Variants in RPA3 observed in about 807,000 individuals in gnomAD.
The protein encoded by RPA3 is replication protein A3.
In RPA3, 24 loss-of-function variants were observed where a neutral mutation model predicts 13.7. That is an observed-to-expected ratio of 1.75 (90% confidence interval 1.27 to 2.46). RPA3 has a LOEUF of 2.46. Among genes scored for constraint, RPA3 ranks in the 30% most tolerant of loss-of-function variants. The pLI, the probability that RPA3 is intolerant of heterozygous loss-of-function variation, is 0.00. For missense variants in RPA3, 183 were observed against 151.0 expected (o/e 1.21, Z -1.11); for synonymous variants, 59 against 51.2 (o/e 1.15, Z -0.65).
chr7:7,694,342 A>G (rs1007199227), intron 2 of RPA3, among the ~76,000 whole-genome samples: 11 of 152,188 alleles, frequency 7.2e-5, no homozygotes, highest in Non-Finnish European at 4.4e-5. Context: ...TGGGATATCC[A>G]TCACGTCAAG....
At chr7:7,663,771 T>G (rs1785535410) in intron 4 of RPA3, among the ~76,000 whole-genome samples, 1 of 152,162 alleles carries the variant, frequency 6.6e-6, no homozygotes, top group Non-Finnish European at 1.5e-5. Context: ...CCCGGGGCAA[T>G]AACGAATGCA....
chr7:7,705,905 G>C (rs753712289), intron 2 of RPA3, among the ~76,000 whole-genome samples: 8 of 152,164 alleles, frequency 5.3e-5, no homozygotes, highest in Admixed American at 2.0e-4. Flanking sequence ...GAGTTATATG[G>C]GAATTCTCTG....
At chr7:7,661,310 C>T (rs1428549905) in intron 4 of RPA3, among the ~76,000 whole-genome samples, 4 of 152,182 alleles carry the variant, frequency 2.6e-5, no homozygotes, top group Non-Finnish European at 4.4e-5. Flanking sequence ...TCTGAAGCCT[C>T]CTTCTTTCAA....
rs190015201 is a variant in RPA3 at position 7,660,618 on chromosome 7, T to G, written c.-757-19443A>C. On this transcript the variant is annotated intron_variant, in intron 4 of 7. Transcript: ENST00000223129. ...TGAAACTTCTTTTCTTTAAGAATGT[T>G]GACTATTGGCCCCACTCTCTTCTGG... Among the ~76,000 whole-genome samples the G allele has an allele frequency of 2.6e-5, 4 of 152,352 alleles. No individual in the cohort carries two copies. In the East Asian group the frequency reaches 7.7e-4, roughly 29 times the overall value.
intron 5 of RPA3, among the ~76,000 whole-genome samples, chr7:7,639,461 A>C (rs998809560): frequency 2.0e-5 from 3 of 152,178 alleles, no homozygotes; most frequent in Non-Finnish European, 2.9e-5. Context: ...ATCTGCTGGC[A>C]CTCATGATTT....
chr7:7,639,247 G>T, intron 5 of RPA3, 103 bp from the exon 6 acceptor site: 1 of 753,966 alleles, frequency 1.3e-6, no homozygotes, highest in Non-Finnish European at 2.2e-6. Context: ...ACTGTTTCTT[G>T]AACAGTTTAT....
intron 4 of RPA3, among the ~76,000 whole-genome samples, chr7:7,672,209 A>T (rs1375165372): frequency 1.3e-5 from 2 of 151,974 alleles, no homozygotes; most frequent in Admixed American, 6.6e-5. Context: ...TTTCTCTTTT[A>T]TTTTTTTGGC....
rs752355465 is a variant in RPA3 at position 7,637,059 on chromosome 7, C to T, written c.307G>A (p.Val103Met). ...PFDLGLYNEA[V>M]KIIHDFPQFY... Reference sequence around the variant, plus strand: ...TGAGGGAAGTCATGGATAATTTTCACAGCTTCATTGTAAAGTCCAAGATCT... The same window carrying T: ...TGAGGGAAGTCATGGATAATTTTCATAGCTTCATTGTAAAGTCCAAGATCT... Residue 103 changes from valine to methionine, a missense_variant, in exon 8 of 8, where the codon GTG (valine) becomes ATG (methionine). Coordinates refer to ENST00000223129, the MANE Select transcript of RPA3 (RefSeq NM_002947.5). The T allele has an allele frequency of 1.2e-6, 2 of 1,611,958 alleles. No individual in the cohort carries two copies. Among genetic ancestry groups the T allele is most frequent in the Non-Finnish European group, 1.7e-6 (2 of 1,178,250 alleles).
intron 4 of RPA3, among the ~76,000 whole-genome samples, chr7:7,648,630 C>G (rs868501320): frequency 3.9e-5 from 6 of 151,942 alleles, no homozygotes; most frequent in Admixed American, 6.6e-5. Context: ...GCAGGTAGAT[C>G]CCTTGAATTC....
intron 4 of RPA3, among the ~76,000 whole-genome samples, chr7:7,660,474 G>C (rs1383867521): frequency 1.3e-5 from 2 of 152,180 alleles, no homozygotes; most frequent in Non-Finnish European, 2.9e-5. Context: ...GTTTCCTTCA[G>C]GAGTTCTTGT....
At chr7:7,666,662 T>A (rs903878840) in intron 4 of RPA3, among the ~76,000 whole-genome samples, 4 of 152,166 alleles carry the variant, frequency 2.6e-5, no homozygotes, top group Non-Finnish European at 5.9e-5. Context: ...TGGCTGTTCA[T>A]ATTTTTTGCC....
At chr7:7,646,842 C>T (rs549578334) in intron 4 of RPA3, among the ~76,000 whole-genome samples, 1 of 152,224 alleles carries the variant, frequency 6.6e-6, no homozygotes, top group African/African-American at 2.4e-5. Context: ...CTCTTCTGCT[C>T]ATGGAGCCTG....
chr7:7,701,259 A>G (rs1424603967), intron 2 of RPA3, among the ~76,000 whole-genome samples: 2 of 152,190 alleles, frequency 1.3e-5, no homozygotes, highest in African/African-American at 4.8e-5. Context: ...GAGCCCTAAA[A>G]CCTCATGTAA....
At chr7:7,691,684 C>G (rs1563126874) in intron 2 of RPA3, among the ~76,000 whole-genome samples, 1 of 152,168 alleles carries the variant, frequency 6.6e-6, no homozygotes, top group African/African-American at 2.4e-5. Context: ...AAGAGCTTTA[C>G]ATTTTAGTGA....
intron 4 of RPA3, among the ~76,000 whole-genome samples, chr7:7,679,844 C>T (rs1256264431): frequency 6.6e-6 from 1 of 151,190 alleles, no homozygotes; most frequent in Non-Finnish European, 1.5e-5. Flanking sequence ...GGATTACAGG[C>T]GTGAGCTGCT....
chr7:7,710,970 A>G (rs1479865397), intron 2 of RPA3, among the ~76,000 whole-genome samples: 2 of 152,240 alleles, frequency 1.3e-5, no homozygotes, highest in Non-Finnish European at 2.9e-5. Flanking sequence ...TCATTTATGT[A>G]GCATTCTTGA....
At chr7:7,686,243 G>A (rs757590616) in intron 3 of RPA3, among the ~76,000 whole-genome samples, 9 of 152,020 alleles carry the variant, frequency 5.9e-5, no homozygotes, top group Non-Finnish European at 1.3e-4. Flanking sequence ...ACATAGGCAG[G>A]GCCAGTATTC....
intron 4 of RPA3, among the ~76,000 whole-genome samples, chr7:7,683,387 G>A (rs962420600): frequency 2.6e-5 from 4 of 152,114 alleles, no homozygotes; most frequent in African/African-American, 7.2e-5. Flanking sequence ...AGGCTGAGAA[G>A]CACTACAGTT....
chr7:7,689,274 G>T (rs1780115547), intron 2 of RPA3: 1 of 152,182 alleles, frequency 6.6e-6, no homozygotes, highest in Admixed American at 6.5e-5. Flanking sequence ...TCTCGTGGCA[G>T]TTATTTGATC....
Sources: allele counts gnomAD v4.1 joint callset (sites outside exome capture counted in the v4.1 genomes callset), GRCh38; gene constraint gnomAD v4.1.1; transcripts MANE v1.5; gene names NCBI Gene and HGNC (gene_info 2026-07-23, HGNC 2026-07-21).